The following NEDD4L variants were observed in gnomAD, a reference collection of about 807,000 sequenced individuals.
The protein encoded by NEDD4L is NEDD4 like E3 ubiquitin protein ligase.
A neutral mutation model predicts 148.9 loss-of-function variants in NEDD4L; 54 were observed. That is an observed-to-expected ratio of 0.36 (90% CI 0.29 to 0.45). The LOEUF (loss-of-function observed/expected upper bound fraction) is 0.45. NEDD4L is among the 20% of genes least tolerant of loss of function. NEDD4L has a pLI of 1.00. For missense variants in NEDD4L, 856 were observed against 1,233.8 expected (o/e 0.69, Z 4.59); for synonymous variants, 433 against 440.7 (o/e 0.98, Z 0.22).
At chr18:58,347,913 A>C (rs989038733) in intron 16 of NEDD4L, among the ~76,000 whole-genome samples, 25 of 152,172 alleles carry the variant, frequency 1.6e-4, no homozygotes, top group Non-Finnish European at 2.9e-5. Context: ...CTGATATCAA[A>C]TGTCTTCACA....
Position 58,095,193 on chromosome 18 carries a change from C to T in NEDD4L, c.48+50485C>T, listed in dbSNP as rs147384257. The stretch of plus-strand genomic sequence containing the variant: ...TGTCACTCATCTGGGTTCTTCTGCT[C>T]CTGCCTGGGCTGCTTAGTATTTATT... On this transcript the variant is annotated intron_variant, in intron 1 of 30. Coordinates refer to ENST00000400345, the MANE Select transcript of NEDD4L (RefSeq NM_001144967.3). Among the ~76,000 whole-genome samples the T allele has an allele frequency of 2.0e-5, 3 of 152,356 alleles. No homozygotes were observed. In the East Asian group the frequency reaches 5.8e-4, roughly 29 times the overall value.
intron 2 of NEDD4L, among the ~76,000 whole-genome samples, chr18:58,244,021 A>G (rs1191444889): frequency 6.6e-6 from 1 of 152,230 alleles, no homozygotes; most frequent in Non-Finnish European, 1.5e-5. Flanking sequence ...TATTGAGTAT[A>G]GCCTTGTTAC....
intron 2 of NEDD4L, among the ~76,000 whole-genome samples, chr18:58,224,197 G>C (rs2044095804): frequency 6.6e-6 from 1 of 152,218 alleles, no homozygotes; most frequent in African/African-American, 2.4e-5. Flanking sequence ...GCAGGCAAGA[G>C]GATCACATGC....
chr18:58,091,986 A>C (rs1376037248), intron 1 of NEDD4L, among the ~76,000 whole-genome samples: 2 of 152,356 alleles, frequency 1.3e-5, no homozygotes, highest in East Asian at 1.9e-4. Context: ...GGGATGTCAC[A>C]TTGAGCCATT....
chr18:58,388,125 T>C (rs561047031), intron 27 of NEDD4L: 1 of 152,400 alleles, frequency 6.6e-6, no homozygotes, highest in African/African-American at 2.4e-5. Context: ...GTTGACATAG[T>C]TGAGTAACAG....
chr18:58,325,075 G>A lies in NEDD4L; in HGVS notation c.593G>A (p.Gly198Glu). 1 of 1,613,992 alleles carries A rather than the reference G, an allele frequency of 6.2e-7. No homozygotes were observed. The highest frequency in any genetic ancestry group is 8.5e-7 in the Non-Finnish European group (1 of 1,179,900). The part of the protein sequence containing the change: ...EELPPPPLPP[G>E]WEEKVDNLGR... ...CTTCCTCCTCCTCCTCTGCCTCCCG[G>A]GTGGGAAGAAAAAGTGGACAATTTA... Residue 198 changes from glycine (G) to glutamate (E), a missense_variant, in exon 9 of 31, where the codon GGG becomes GAG. Gly to Glu is a moderately conservative substitution (Grantham distance 98). Around this residue, in one of 4 missense-constraint regions of NEDD4L, gnomAD observed 193 missense variants for 244.2 expected, o/e 0.79. Transcript: ENST00000400345.
intron 2 of NEDD4L, among the ~76,000 whole-genome samples, chr18:58,234,586 C>T (rs964511758): frequency 6.6e-6 from 1 of 152,038 alleles, no homozygotes; most frequent in South Asian, 2.1e-4. Flanking sequence ...CCTCCTATCT[C>T]AGCCTCCCAA....
At chr18:58,129,133 T>C (rs1369953741) in intron 1 of NEDD4L, among the ~76,000 whole-genome samples, 1 of 152,224 alleles carries the variant, frequency 6.6e-6, no homozygotes, top group Non-Finnish European at 1.5e-5. Flanking sequence ...CCAGCCCAGA[T>C]TGCTGATAGA....
At chr18:58,145,840 G>C (rs1193771082) in intron 1 of NEDD4L, among the ~76,000 whole-genome samples, 2 of 152,250 alleles carry the variant, frequency 1.3e-5, no homozygotes, top group Non-Finnish European at 2.9e-5. Context: ...ATTTTCACCA[G>C]TTCTGGGTCT....
At chr18:58,276,545 G>C (rs1367170097) in intron 5 of NEDD4L, among the ~76,000 whole-genome samples, 2 of 152,036 alleles carry the variant, frequency 1.3e-5, no homozygotes, top group Non-Finnish European at 1.5e-5. Flanking sequence ...ATGAAACCTG[G>C]TGACTTAACT....
At chr18:58,156,335 C>A (rs1568299712) in intron 1 of NEDD4L, among the ~76,000 whole-genome samples, 1 of 152,198 alleles carries the variant, frequency 6.6e-6, no homozygotes, top group Non-Finnish European at 1.5e-5. Flanking sequence ...TTGGTTATTG[C>A]ATCCCTGATA....
At chr18:58,090,708 C>G (rs1205035522) in intron 1 of NEDD4L, 1 of 152,192 alleles carries the variant, frequency 6.6e-6, no homozygotes, top group Admixed American at 6.5e-5. Context: ...GAATTCCTGA[C>G]CTCAATTGAT....
chr18:58,179,543 G>A (rs1443701650), intron 2 of NEDD4L, among the ~76,000 whole-genome samples: 1 of 152,138 alleles, frequency 6.6e-6, no homozygotes, highest in Non-Finnish European at 1.5e-5. Flanking sequence ...CCATGGGTAG[G>A]CGGGCAAAAC....
At chr18:58,149,325 C>G in intron 1 of NEDD4L, 1 of 1,309,884 alleles carries the variant, frequency 7.6e-7, no homozygotes. Flanking sequence ...GAGCCAGTCA[C>G]AGAGGAAGCC....
chr18:58,337,566 CTTTAT>C (rs991976186), intron 13 of NEDD4L, among the ~76,000 whole-genome samples: 5 of 152,086 alleles, frequency 3.3e-5, no homozygotes, highest in African/African-American at 4.8e-5. Context: ...CATTGTGCCA[CTTTAT>C]TTTATTTTTT....
intron 2 of NEDD4L, among the ~76,000 whole-genome samples, chr18:58,213,245 T>G (rs2042790938): frequency 6.6e-6 from 1 of 152,186 alleles, no homozygotes; most frequent in Admixed American, 6.5e-5. Flanking sequence ...TATTTGTCTT[T>G]TAGAAATAAA....
At chr18:58,074,352 G>A (rs544661294) in intron 1 of NEDD4L, among the ~76,000 whole-genome samples, 19 of 150,934 alleles carry the variant, frequency 1.3e-4, no homozygotes, top group East Asian at 3.9e-4. Context: ...TCTGCCTCCC[G>A]GGTTCAAGCA....
intron 1 of NEDD4L, among the ~76,000 whole-genome samples, chr18:58,150,206 C>G (rs1222101173): frequency 2.0e-5 from 3 of 152,196 alleles, no homozygotes; most frequent in Non-Finnish European, 4.4e-5. Flanking sequence ...CTCTTGCTGG[C>G]CGAGCCATCA....
chr18:58,094,265 G>A (rs1231917083), intron 1 of NEDD4L, among the ~76,000 whole-genome samples: 2 of 151,422 alleles, frequency 1.3e-5, no homozygotes, highest in African/African-American at 4.9e-5. Context: ...GCTTATTGCA[G>A]GCTTGACCTC....
Sources: allele counts gnomAD v4.1 joint callset (sites outside exome capture counted in the v4.1 genomes callset), GRCh38; gene constraint gnomAD v4.1.1; regional missense constraint gnomAD v4.1.1; transcripts MANE v1.5; gene names NCBI Gene and HGNC (gene_info 2026-07-23, HGNC 2026-07-21).